MS4A14: variants seen among roughly 807,000 people sequenced by gnomAD.
MS4A14 encodes membrane-spanning 4-domains subfamily A member 14.
A neutral mutation model predicts 16.7 loss-of-function variants in MS4A14; 18 were observed. The ratio of observed to expected loss-of-function variants is 1.08; its 90% CI spans 0.75 to 1.60. The LOEUF (loss-of-function observed/expected upper bound fraction) is 1.60, where lower values mean the gene tolerates loss of function less well. MS4A14 is among the 40% of genes most tolerant of loss of function. The probability of loss-of-function intolerance (pLI) is 0.00; values close to 1 mark genes in which losing one functional copy is unlikely to be tolerated. For synonymous variants in MS4A14, 305 were observed against 289.4 expected (o/e 1.05, Z -0.55); for missense variants, 812 against 775.3 (o/e 1.05, Z -0.56).
intron 4 of MS4A14, among the ~76,000 whole-genome samples, chr11:60,413,223 G>A (rs1219080302): frequency 6.6e-6 from 1 of 151,076 alleles, no homozygotes; most frequent in African/African-American, 2.4e-5. Flanking sequence ...AGTTCCCATA[G>A]CTTTTTTTTA....
chr11:60,403,209 T>C (rs2085741011), intron 4 of MS4A14, 148 bp downstream of exon 4: 2 of 831,442 alleles, frequency 2.4e-6, no homozygotes, highest in African/African-American at 1.7e-5. Context: ...GGGTTACTGT[T>C]ACAATGGTTA....
chr11:60,404,523 C>T (rs765972426), intron 4 of MS4A14: 69 of 456,774 alleles, frequency 1.5e-4, no homozygotes, highest in South Asian at 1.1e-3. Context: ...CCTATCCTAC[C>T]TATCTTTCCA....
chr11:60,396,610 C>G lies in MS4A14; in HGVS notation c.32C>G (p.Thr11Ser). The change falls in exon 1 of 5, where the codon ACT becomes AGT. Residue 11 changes from threonine (T) to serine (S), a missense_variant. Physicochemically the swap from Thr to Ser is moderately conservative, Grantham distance 58 (BLOSUM62 1). Transcript: ENST00000300187. MESTSQDRRA[T>S]HVITIKPNET... Reference sequence around the variant, plus strand: ...TCAACATCCCAGGACAGAAGGGCAACTCACGTCATCACTATAAAACCAAAC... The same window carrying G: ...TCAACATCCCAGGACAGAAGGGCAAGTCACGTCATCACTATAAAACCAAAC... 1 of 1,614,006 alleles carries G rather than the reference C, an allele frequency of 6.2e-7. No individual in the cohort carries two copies. The highest frequency in any genetic ancestry group is 8.5e-7 in the Non-Finnish European group (1 of 1,179,936).
Position 60,402,935 on chromosome 11 carries a change from T to C in MS4A14, c.342T>C (p.Asn114=), listed in dbSNP as rs183715072. 8.1e-6 allele frequency: 13 copies of C among 1,613,828 alleles called. No individual in the cohort carries two copies. The East Asian group carries it at 2.5e-4, about 30-fold the overall frequency. The change falls in exon 4 of 5, where the codon AAT becomes AAC. Residue 114 remains asparagine, a synonymous_variant. Coordinates refer to ENST00000300187, the MANE Select transcript of MS4A14 (RefSeq NM_032597.5). ...KLLGQGVTGM[N]VISSLVAITG... is the part of the protein sequence containing the mutation. ...AGGGTCAAGGTGTCACGGGCATGAA[T>C]GTTATCAGCTCCTTGGTTGCGATAA... is the stretch of plus-strand genomic sequence containing the variant.
chr11:60,403,636 C>T (rs1010847994), intron 4 of MS4A14, among the ~76,000 whole-genome samples: 1 of 152,094 alleles, frequency 6.6e-6, no homozygotes, highest in Admixed American at 6.5e-5. Context: ...AGATCTTTTA[C>T]CAGGAAATGT....
rs1359305749 is a variant in MS4A14, at chr11:60,416,506, CAA to C, written c.1540_1541del (p.Lys514GlufsTer36). Reference sequence around the variant, plus strand: ...GTGCAAGCCAAAGGCCAGAAATCCTCAAAGAGGCATTCCTTAGATCAGCAAAG... The same window carrying C: ...GTGCAAGCCAAAGGCCAGAAATCCTCAGAGGCATTCCTTAGATCAGCAAAG... On this transcript the variant is annotated frameshift_variant, in exon 5 of 5. Coordinates refer to ENST00000300187, the MANE Select transcript of MS4A14 (RefSeq NM_032597.5). LOFTEE classifies it low-confidence loss of function (END_TRUNC). 6.2e-7 allele frequency: 1 copy of C among 1,613,784 alleles called. No homozygotes were observed. The highest frequency in any genetic ancestry group is 1.3e-5 in the African/African-American group (1 of 74,886).
rs931701872 is a variant in MS4A14, at chr11:60,415,849, T to G, written c.881T>G (p.Leu294Arg). Residue 294 changes from leucine (L) to arginine (R), a missense_variant, in exon 5 of 5, where the codon CTG becomes CGG. Physicochemically the swap from Leu to Arg is moderately radical, Grantham distance 102. Transcript: ENST00000300187. ...VQPSQMQTKL[L>R]QDQAASLQVF... ...CCTTCTCAAATGCAAACCAAGCTTC[T>G]GCAGGACCAAGCTGCGTCACTCCAA... The G allele has an allele frequency of 1.2e-6, 2 of 1,613,910 alleles. No individual in the cohort carries two copies. The highest frequency in any genetic ancestry group is 1.7e-6 in the Non-Finnish European group (2 of 1,179,918).
At chr11:60,405,739 A>G (rs1225455057) in intron 4 of MS4A14, 1 of 547,424 alleles carries the variant, frequency 1.8e-6, no homozygotes, top group Non-Finnish European at 3.2e-6. Flanking sequence ...AAGACACAAG[A>G]TGAAAATTGT....
chr11:60,410,473 T>TTTG (rs3973192), intron 4 of MS4A14, among the ~76,000 whole-genome samples: 152,197 of 152,252 alleles, frequency 1, 76,071 homozygotes, highest in Middle Eastern at 1. Context: ...AATCTATTAT[T>TTTG]TTGTTGTTTT....
intron 1 of MS4A14, among the ~76,000 whole-genome samples, chr11:60,397,421 T>TTCC (rs1206719317): frequency 1.1e-4 from 16 of 152,020 alleles, no homozygotes; most frequent in African/African-American, 3.6e-4. Context: ...TCCAAAAGCC[T>TTCC]ATACTGAGTG....
rs182850021 is a variant in MS4A14, at chr11:60,414,744, C to T, written c.469-693C>T. On this transcript the variant is annotated intron_variant, in intron 4 of 4. Transcript: ENST00000300187. The stretch of plus-strand genomic sequence containing the variant: ...TCTAACTGCTTACCATCTGCCATCA[C>T]ACCATGCTATATCACAACCTTGTGT... 9.9e-5 allele frequency among the ~76,000 whole-genome samples: 15 copies of T among 152,236 alleles called. No homozygotes were observed. The East Asian group carries it at 2.5e-3, about 25-fold the overall frequency.
intron 4 of MS4A14, chr11:60,406,032 G>C (rs909736619): frequency 8.2e-7 from 1 of 1,221,910 alleles, no homozygotes. Context: ...ACAGGTTCCT[G>C]TTCCTGTTGG....
intron 3 of MS4A14, among the ~76,000 whole-genome samples, chr11:60,400,658 T>C (rs578072747): frequency 4.1e-4 from 63 of 152,306 alleles, no homozygotes; most frequent in African/African-American, 1.4e-3. Flanking sequence ...TCAAGTAAAC[T>C]AAAAGAGTTG....
At chr11:60,407,304 C>T (rs1012780363) in intron 4 of MS4A14, among the ~76,000 whole-genome samples, 7 of 152,078 alleles carry the variant, frequency 4.6e-5, no homozygotes, top group Admixed American at 1.3e-4. Context: ...TACAGGTGTG[C>T]GCCACTGCGC....
rs1330524449 is a variant in MS4A14 at position 60,405,929 on chromosome 11, T to A, written c.468+2868T>A. 2.0e-6 allele frequency: 3 copies of A among 1,534,880 alleles called. No individual in the cohort carries two copies. In the East Asian group the frequency reaches 7.3e-5, roughly 38 times the overall value. On this transcript the variant is annotated intron_variant, in intron 4 of 4. Coordinates refer to ENST00000300187, the MANE Select transcript of MS4A14 (RefSeq NM_032597.5). ...TTACTGATCATCAGCATAGCAGAGC[T>A]CAGCATCTCTGTGACTATTGCATCC...
At position 60,415,710 on chromosome 11, in the gene MS4A14, A is replaced by C. The variant is rs1216679584; in HGVS notation, c.742A>C (p.Ile248Leu). The C allele has an allele frequency of 3.7e-6, 6 of 1,613,810 alleles. No homozygotes were observed. The African/African-American group carries it at 6.7e-5, about 18-fold the overall frequency. The part of the protein sequence containing the change: ...LPSPKFSEEE[I>L]EPLPPTLEKK... ...ATCTCCCAAATTTTCAGAGGAAGAAATTGAACCTTTGCCTCCCACACTAGA... is the reference window on the plus strand; with the variant it reads ...ATCTCCCAAATTTTCAGAGGAAGAACTTGAACCTTTGCCTCCCACACTAGA... Residue 248 changes from isoleucine to leucine, a missense_variant, in exon 5 of 5, where the codon ATT (isoleucine) becomes CTT (leucine). Coordinates refer to ENST00000300187, the MANE Select transcript of MS4A14 (RefSeq NM_032597.5).
At chr11:60,400,522 C>T (rs1427031749) in intron 3 of MS4A14, 68 bp downstream of exon 3, 2 of 1,127,400 alleles carry the variant, frequency 1.8e-6, no homozygotes, top group African/African-American at 3.1e-5. Context: ...ATGTATGAAG[C>T]CTTTAGTAAT....
At chr11:60,397,809 C>T (rs1356346127) in intron 1 of MS4A14, 43 bp from the exon 2 acceptor site, 1 of 1,603,140 alleles carries the variant, frequency 6.2e-7, no homozygotes. Flanking sequence ...CCCACAGGGT[C>T]TTGGATACTT....
At chr11:60,412,308 T>C (rs75242391) in intron 4 of MS4A14, among the ~76,000 whole-genome samples, 1 of 133,692 alleles carries the variant, frequency 7.5e-6, no homozygotes, top group Non-Finnish European at 1.6e-5. Context: ...AGAATAATTG[T>C]TTTTTTTTTT....
Sources: gnomAD v4.1 joint callset for allele counts (sites outside exome capture counted in the v4.1 genomes callset) on GRCh38, gnomAD v4.1.1 for gene constraint, MANE v1.5 for transcripts, NCBI Gene and HGNC (gene_info 2026-07-23, HGNC 2026-07-21) for gene names.